Variants in SUPT3H observed in about 807,000 individuals in gnomAD.
The protein encoded by SUPT3H is transcription initiation protein SPT3 homolog.
In SUPT3H, 44 loss-of-function variants were observed where a neutral mutation model predicts 44.3. That is an observed-to-expected ratio of 0.99 (90% CI 0.78 to 1.28). The LOEUF is 1.28. Ranked by LOEUF, SUPT3H falls within the 50% of genes most tolerant of loss-of-function variation. The pLI is 0.00. For synonymous variants in SUPT3H, 124 were observed against 125.6 expected (o/e 0.99, Z 0.09); for missense variants, 380 against 387.1 (o/e 0.98, Z 0.15).
chr6:45,164,958 G>A (rs150821643), intron 2 of SUPT3H, among the ~76,000 whole-genome samples: 176 of 152,152 alleles, frequency 1.2e-3, no homozygotes, highest in African/African-American at 4.0e-3. Flanking sequence ...AAAGATACAA[G>A]GCAAAGTTTG....
intron 2 of SUPT3H, among the ~76,000 whole-genome samples, chr6:45,176,912 C>A (rs1812037198): frequency 1.0e-5 from 1 of 97,256 alleles, no homozygotes; most frequent in Non-Finnish European, 2.0e-5. Context: ...ACCAAAAACC[C>A]ATCTGTACAT....
chr6:45,342,270 AT>A (rs567988524), intron 2 of SUPT3H, among the ~76,000 whole-genome samples: 4 of 150,054 alleles, frequency 2.7e-5, no homozygotes, highest in African/African-American at 9.8e-5. Context: ...CACAATCTCA[AT>A]TTTTTTTTTG....
At chr6:45,128,542 A>C (rs1159436256) in intron 2 of SUPT3H, among the ~76,000 whole-genome samples, 1 of 57,430 alleles carries the variant, frequency 1.7e-5, no homozygotes, top group Non-Finnish European at 3.2e-5. Flanking sequence ...AAATATATAT[A>C]TATATATATA....
chr6:44,870,849 T>A (rs1040694613), intron 10 of SUPT3H, among the ~76,000 whole-genome samples: 1 of 150,884 alleles, frequency 6.6e-6, no homozygotes, highest in Non-Finnish European at 1.5e-5. Context: ...GCGCAAGGGG[T>A]CAGGGAGTTC....
At chr6:45,366,268 G>A (rs1175258089) in intron 1 of SUPT3H, among the ~76,000 whole-genome samples, 1 of 152,206 alleles carries the variant, frequency 6.6e-6, no homozygotes, top group Non-Finnish European at 1.5e-5. Flanking sequence ...TAAGAGGGCA[G>A]GTTCTGGGGT....
At chr6:44,860,143 T>A (rs1582037334) in intron 10 of SUPT3H, among the ~76,000 whole-genome samples, 1 of 152,276 alleles carries the variant, frequency 6.6e-6, no homozygotes, top group African/African-American at 2.4e-5. Flanking sequence ...ACTGATAAGG[T>A]CGTGGGGAAT....
intron 5 of SUPT3H, among the ~76,000 whole-genome samples, chr6:45,008,347 T>C (rs1349764740): frequency 6.6e-6 from 1 of 152,084 alleles, no homozygotes; most frequent in Non-Finnish European, 1.5e-5. Flanking sequence ...CTTGTTATTA[T>C]CATTTTGTGT....
chr6:45,322,187 T>A (rs185671405), intron 2 of SUPT3H, among the ~76,000 whole-genome samples: 36 of 152,062 alleles, frequency 2.4e-4, no homozygotes, highest in African/African-American at 8.7e-4. Context: ...CAAACAATTT[T>A]ATAGTTCATT....
chr6:45,159,384 C>A (rs1023835280), intron 2 of SUPT3H: 8 of 152,142 alleles, frequency 5.3e-5, no homozygotes, highest in Non-Finnish European at 7.4e-5. Context: ...GGCCTCTAGG[C>A]TTCAAAATCA....
chr6:45,275,684 G>A (rs1776901781), intron 2 of SUPT3H, among the ~76,000 whole-genome samples: 1 of 152,080 alleles, frequency 6.6e-6, no homozygotes, highest in South Asian at 2.1e-4. Context: ...GCATTTCCTA[G>A]TTCTCATATT....
intron 5 of SUPT3H, among the ~76,000 whole-genome samples, chr6:45,007,129 T>C (rs1043886080): frequency 3.9e-5 from 6 of 152,184 alleles, no homozygotes; most frequent in Admixed American, 3.9e-4. Context: ...TCTAGTGCCT[T>C]CTAGCTTCCG....
intron 2 of SUPT3H, among the ~76,000 whole-genome samples, chr6:45,284,141 G>A (rs1778741332): frequency 1.3e-5 from 2 of 152,142 alleles, no homozygotes; most frequent in East Asian, 1.9e-4. Flanking sequence ...AGAGAAAGCA[G>A]GAAAGATCTA....
In SUPT3H at chr6:45,293,667, G is replaced by A. The variant is rs182589513; in HGVS notation, c.101+71534C>T. Among the ~76,000 whole-genome samples the A allele has an allele frequency of 5.9e-5, 9 of 152,092 alleles. No homozygotes were observed. The East Asian group carries it at 7.7e-4, about 13-fold the overall frequency. ...CAATACATGTGAAATTACAACTGAC[G>A]CCAAAGAAATACAAAAGACCCTTCA... On this transcript the variant is annotated intron_variant, in intron 2 of 10. Coordinates refer to ENST00000371459, the MANE Select transcript of SUPT3H (RefSeq NM_003599.4).
At chr6:44,928,585 A>G (rs1769909831) in intron 10 of SUPT3H, among the ~76,000 whole-genome samples, 1 of 152,122 alleles carries the variant, frequency 6.6e-6, no homozygotes, top group South Asian at 2.1e-4. Context: ...TAGGATTGAG[A>G]ATAAATGAGA....
intron 6 of SUPT3H, among the ~76,000 whole-genome samples, chr6:44,992,091 T>C (rs562235878): frequency 6.6e-6 from 1 of 152,278 alleles, no homozygotes; most frequent in East Asian, 1.9e-4. Context: ...TGTAAATTAG[T>C]GGCAAATCTT....
At chr6:45,181,693 A>C (rs1403751998) in intron 2 of SUPT3H, among the ~76,000 whole-genome samples, 1 of 127,488 alleles carries the variant, frequency 7.8e-6, no homozygotes, top group Admixed American at 9.6e-5. Flanking sequence ...AGGAAGGGGA[A>C]CATCACACTC....
rs575364660 is a variant in SUPT3H at position 45,039,525 on chromosome 6, A to G, written c.187-18893T>C. Among the ~76,000 whole-genome samples the G allele has an allele frequency of 2.0e-5, 3 of 152,260 alleles. No homozygotes were observed. In the East Asian group the frequency reaches 5.8e-4, roughly 29 times the overall value. The stretch of plus-strand genomic sequence containing the variant: ...AATACAACTCCTGGGCCGGGCATGT[A>G]ATCCAGCAATTTGAGAGGCTAAGGC... On this transcript the variant is annotated intron_variant, in intron 3 of 10. Coordinates refer to ENST00000371459, the MANE Select transcript of SUPT3H (RefSeq NM_003599.4).
chr6:44,944,781 AAAAAG>A lies in SUPT3H; in HGVS notation c.801+8524_801+8528del, dbSNP rs1224940430. Among the ~76,000 whole-genome samples the A allele has an allele frequency of 1.6e-3, 215 of 136,952 alleles. 2 individuals are homozygous for A. The highest frequency in any genetic ancestry group is 5.3e-3 in the African/African-American group (208 of 39,006). 89.8% of individuals were successfully genotyped at this position (136,952 alleles called of 152,430 possible). On this transcript the variant is annotated intron_variant, in intron 9 of 10. Transcript: ENST00000371459. ...TCTCTCCAAAAAAAAAAAAAAAAAA[AAAAAG>A]AAAAGAAAAAAAGATACAGACAGAC...
rs899207527 is a variant in SUPT3H, at chr6:45,063,821, A to G, written c.186+42101T>C. Reference sequence around the variant, plus strand: ...ATATGGGACTATGTGAAAAGACCAAATCTACGTCTGATTGGTGTACCTGAA... The same window carrying G: ...ATATGGGACTATGTGAAAAGACCAAGTCTACGTCTGATTGGTGTACCTGAA... On this transcript the variant is annotated intron_variant, in intron 3 of 10. Coordinates refer to ENST00000371459, the MANE Select transcript of SUPT3H (RefSeq NM_003599.4). Among the ~76,000 whole-genome samples the G allele has an allele frequency of 3.4e-3, 482 of 142,952 alleles. 4 individuals are homozygous for G. Among genetic ancestry groups the G allele is most frequent in the Non-Finnish European group, 5.8e-3 (382 of 65,870 alleles). The allele number at this position is 142,952 out of a possible 152,430, so 93.8% of individuals were successfully genotyped here.
Sources: allele counts gnomAD v4.1 joint callset (sites outside exome capture counted in the v4.1 genomes callset), GRCh38; gene constraint gnomAD v4.1.1; transcripts MANE v1.5; gene names NCBI Gene and HGNC (gene_info 2026-07-23, HGNC 2026-07-21).